CALCRL: variants seen among roughly 807,000 people sequenced by gnomAD.
The protein encoded by CALCRL is calcitonin gene-related peptide type 1 receptor.
A neutral mutation model predicts 60.4 loss-of-function variants in CALCRL; 27 were observed. The observed-to-expected ratio is 0.45, with a 90% CI of 0.33 to 0.62. The LOEUF is 0.62. Among genes scored for constraint, CALCRL ranks in the 20% least tolerant of loss-of-function variants. The probability of loss-of-function intolerance (pLI) is 0.03; values close to 1 mark genes in which losing one functional copy is unlikely to be tolerated. For missense variants in CALCRL, 424 were observed against 540.7 expected (o/e 0.78, Z 2.14); for synonymous variants, 190 against 182.6 (o/e 1.04, Z -0.33).
chr2:187,372,816 T>C (rs1358535468), intron 8 of CALCRL, among the ~76,000 whole-genome samples: 1 of 152,170 alleles, frequency 6.6e-6, no homozygotes, highest in Non-Finnish European at 1.5e-5. Context: ...CCTCTAGGAA[T>C]TGTTTTCAGG....
At chr2:187,364,057 A>G (rs1238531431) in intron 8 of CALCRL, among the ~76,000 whole-genome samples, 1 of 152,218 alleles carries the variant, frequency 6.6e-6, no homozygotes, top group Admixed American at 6.5e-5. Context: ...GCAACCAATG[A>G]GATTTGCACA....
At chr2:187,396,760 T>C (rs368194103) in intron 1 of CALCRL, among the ~76,000 whole-genome samples, 1 of 151,806 alleles carries the variant, frequency 6.6e-6, no homozygotes, top group Admixed American at 6.6e-5. Context: ...ATTGTAACTA[T>C]TAAAATCCAC....
chr2:187,346,590 G>A (rs748847754), intron 14 of CALCRL, among the ~76,000 whole-genome samples, 191 bp from the exon 15 acceptor site: 4 of 151,806 alleles, frequency 2.6e-5, no homozygotes, highest in Non-Finnish European at 5.9e-5. Flanking sequence ...ATTAGGAAAT[G>A]TATTACAATT....
At chr2:187,352,390 T>C in intron 12 of CALCRL, 58 bp from the exon 13 acceptor site, 1 of 954,242 alleles carries the variant, frequency 1.0e-6, no homozygotes, top group South Asian at 1.4e-5. Context: ...TTAAGAAGCA[T>C]TATTCAAGTA....
intron 8 of CALCRL, among the ~76,000 whole-genome samples, chr2:187,365,002 G>A (rs1198391000): frequency 6.6e-6 from 1 of 152,158 alleles, no homozygotes; most frequent in Non-Finnish European, 1.5e-5. Flanking sequence ...TATAGGAGTA[G>A]TGACGCAGAC....
chr2:187,348,942 A>G (rs535473451), intron 14 of CALCRL, among the ~76,000 whole-genome samples: 1 of 151,734 alleles, frequency 6.6e-6, no homozygotes, highest in Non-Finnish European at 1.5e-5. Flanking sequence ...ATGCATGACC[A>G]TGTATAAGTA....
intron 1 of CALCRL, among the ~76,000 whole-genome samples, chr2:187,416,506 G>T (rs902577655): frequency 2.6e-5 from 4 of 151,972 alleles, no homozygotes; most frequent in African/African-American, 9.7e-5. Flanking sequence ...CATGAAAAAG[G>T]AGAAAAAATA....
chr2:187,407,162 T>C (rs1689174507), intron 1 of CALCRL, among the ~76,000 whole-genome samples: 2 of 152,098 alleles, frequency 1.3e-5, no homozygotes, highest in Non-Finnish European at 2.9e-5. Flanking sequence ...GGCATTGCCT[T>C]TTTAATCATT....
intron 1 of CALCRL, among the ~76,000 whole-genome samples, chr2:187,417,809 A>T (rs572536714): frequency 8.7e-4 from 133 of 152,300 alleles, no homozygotes; most frequent in South Asian, 1.4e-3. Context: ...TTTTGTGATA[A>T]AAGTTAATTT....
chr2:187,418,723 T>C (rs1198722311), intron 1 of CALCRL, among the ~76,000 whole-genome samples: 2 of 152,192 alleles, frequency 1.3e-5, no homozygotes, highest in African/African-American at 2.4e-5. Flanking sequence ...ATTATATTTG[T>C]GTATTCTGTC....
intron 1 of CALCRL, among the ~76,000 whole-genome samples, chr2:187,395,957 A>G (rs974690555): frequency 3.5e-4 from 53 of 151,852 alleles, no homozygotes; most frequent in African/African-American, 1.2e-3. Context: ...TTATACAGAA[A>G]CAGTTTTTAC....
intron 1 of CALCRL, among the ~76,000 whole-genome samples, chr2:187,423,365 T>G (rs567892766): frequency 1.8e-4 from 27 of 151,632 alleles, no homozygotes; most frequent in Non-Finnish European, 3.0e-4. Flanking sequence ...ATGTATGGTT[T>G]TTTTTTTTTT....
At chr2:187,352,007 A>T in intron 13 of CALCRL, 46 bp from the exon 14 acceptor site, 3 of 1,555,654 alleles carry the variant, frequency 1.9e-6, no homozygotes, top group Non-Finnish European at 2.7e-6. Flanking sequence ...GGAAAGATAC[A>T]TGTATTTGTA....
chr2:187,377,520 G>C (rs1687808270), intron 8 of CALCRL, among the ~76,000 whole-genome samples: 1 of 152,014 alleles, frequency 6.6e-6, no homozygotes, highest in African/African-American at 2.4e-5. Context: ...AATTTGTTTT[G>C]AACATGTTCA....
intron 4 of CALCRL, among the ~76,000 whole-genome samples, chr2:187,383,532 G>C (rs776486277): frequency 1.3e-5 from 2 of 152,138 alleles, no homozygotes; most frequent in African/African-American, 2.4e-5. Flanking sequence ...ACCATTGGCA[G>C]AGTGGGAAAC....
intron 1 of CALCRL, among the ~76,000 whole-genome samples, chr2:187,432,419 A>T (rs971824204): frequency 6.6e-6 from 1 of 152,110 alleles, no homozygotes; most frequent in South Asian, 2.1e-4. Context: ...CTTATGGAGC[A>T]TCAATTTTCT....
rs925744705 is a variant in CALCRL at position 187,343,113 on chromosome 2, C to T, written c.*3071G>A. 1.3e-5 allele frequency: 2 copies of T among 151,310 alleles called. No individual in the cohort carries two copies. Among genetic ancestry groups the T allele is most frequent in the African/African-American group, 4.8e-5 (2 of 41,380 alleles). The allele number at this position is 151,310 out of a possible 1,614,324, so 9.4% of individuals were successfully genotyped here. ...GATTTTTTTAGTTTGAAAAACAAATCATGACTTTTTCTTAATTGGTTTATT... is the reference window on the plus strand; with the variant it reads ...GATTTTTTTAGTTTGAAAAACAAATTATGACTTTTTCTTAATTGGTTTATT... On this transcript the variant is annotated 3_prime_UTR_variant, in exon 15 of 15. Transcript: ENST00000392370.
intron 1 of CALCRL, among the ~76,000 whole-genome samples, chr2:187,401,080 G>T (rs1413043948): frequency 6.6e-6 from 1 of 151,526 alleles, no homozygotes; most frequent in African/African-American, 2.4e-5. Context: ...GCTGAAGATT[G>T]GGCTTTTAAT....
At chr2:187,365,972 G>A (rs532788070) in intron 8 of CALCRL, among the ~76,000 whole-genome samples, 5 of 152,210 alleles carry the variant, frequency 3.3e-5, no homozygotes, top group African/African-American at 9.6e-5. Context: ...GGCCGGGCGC[G>A]GTGGCTCACG....
Sources: gnomAD v4.1 joint callset for allele counts (sites outside exome capture counted in the v4.1 genomes callset) on GRCh38, gnomAD v4.1.1 for gene constraint, MANE v1.5 for transcripts, NCBI Gene and HGNC (gene_info 2026-07-23, HGNC 2026-07-21) for gene names.